The following ARHGAP24 variants were observed in gnomAD, a reference collection of about 807,000 sequenced individuals.
The protein encoded by ARHGAP24 is rho GTPase-activating protein 24.
A neutral mutation model predicts 76.4 loss-of-function variants in ARHGAP24; 50 were observed. The observed-to-expected ratio is 0.65, with a 90% confidence interval of 0.52 to 0.83. The LOEUF is 0.83. Ranked by LOEUF, ARHGAP24 falls within the 40% of genes least tolerant of loss-of-function variation. ARHGAP24 has a pLI of 0.00. For missense variants in ARHGAP24, 930 were observed against 914.2 expected (o/e 1.02, Z -0.22); for synonymous variants, 345 against 323.3 (o/e 1.07, Z -0.72).
chr4:85,523,331 A>G (rs1724860325), intron 1 of ARHGAP24, among the ~76,000 whole-genome samples: 1 of 152,160 alleles, frequency 6.6e-6, no homozygotes, highest in Non-Finnish European at 1.5e-5. Flanking sequence ...TAGATTTCCT[A>G]TTTTAAAGAG....
At chr4:85,811,630 CTT>C (rs760394339) in intron 3 of ARHGAP24, among the ~76,000 whole-genome samples, 99 of 152,174 alleles carry the variant, frequency 6.5e-4, no homozygotes, top group Admixed American at 8.5e-4. Context: ...CAAATAGAAA[CTT>C]TTTATAATGA....
rs185182145 is a variant in ARHGAP24 at position 85,519,697 on chromosome 4, A to T, written c.-21+44138A>T. Reference sequence around the variant, plus strand: ...TTCGATTTTTCTAGAATCTGAAAATATTCGTTTCTGAAGAGAATGAAACTC... The same window carrying T: ...TTCGATTTTTCTAGAATCTGAAAATTTTCGTTTCTGAAGAGAATGAAACTC... On this transcript the variant is annotated intron_variant, in intron 1 of 9. Coordinates refer to ENST00000395184, the MANE Select transcript of ARHGAP24 (RefSeq NM_001025616.3). Among the ~76,000 whole-genome samples, 35 of 152,318 alleles carry T rather than the reference A, an allele frequency of 2.3e-4. No individual in the cohort carries two copies. In the East Asian group the frequency reaches 6.2e-3, roughly 27 times the overall value.
chr4:85,501,977 G>T (rs1723837462), intron 1 of ARHGAP24, among the ~76,000 whole-genome samples: 1 of 151,958 alleles, frequency 6.6e-6, no homozygotes, highest in Non-Finnish European at 1.5e-5. Context: ...TATTAAATAG[G>T]GAATCCTTTC....
At chr4:85,837,996 T>C (rs1172059866) in intron 3 of ARHGAP24, among the ~76,000 whole-genome samples, 8 of 152,344 alleles carry the variant, frequency 5.3e-5, no homozygotes, top group Admixed American at 2.0e-4. Context: ...ACTGTCTTGA[T>C]CGTCCTTTCT....
In ARHGAP24 at chr4:86,001,039, G is replaced by T. The variant is rs1486937485; in HGVS notation, c.*317G>T. ...TATTTAAATGTTAAATCAATATGTT[G>T]TTGCAATTTAGCTTGCTTTCAAGCT... On this transcript the variant is annotated 3_prime_UTR_variant, in exon 10 of 10. Coordinates refer to ENST00000395184, the MANE Select transcript of ARHGAP24 (RefSeq NM_001025616.3). 4.3e-6 allele frequency: 2 copies of T among 470,406 alleles called. No homozygotes were observed. The highest frequency in any genetic ancestry group is 2.0e-5 in the African/African-American group (1 of 51,136). 29.1% of individuals were successfully genotyped at this position (470,406 alleles called of 1,614,324 possible).
chr4:85,541,247 G>A (rs1005654187), intron 1 of ARHGAP24, among the ~76,000 whole-genome samples: 11 of 114,142 alleles, frequency 9.6e-5, no homozygotes, highest in Admixed American at 2.6e-4. Flanking sequence ...TCCGCCTCCC[G>A]GGTTCACGCC....
At chr4:85,505,876 T>C (rs993441229) in intron 1 of ARHGAP24, among the ~76,000 whole-genome samples, 7 of 152,154 alleles carry the variant, frequency 4.6e-5, no homozygotes, top group Non-Finnish European at 1.0e-4. Context: ...CCTTTGGTCT[T>C]TGATGTTGGT....
At chr4:85,665,848 C>A (rs1289204441) in intron 2 of ARHGAP24, among the ~76,000 whole-genome samples, 2 of 152,320 alleles carry the variant, frequency 1.3e-5, no homozygotes, top group East Asian at 3.9e-4. Context: ...TTGGCCCCCA[C>A]TCTCTTCTGG....
chr4:85,530,417 C>G (rs1725211441), intron 1 of ARHGAP24, among the ~76,000 whole-genome samples: 1 of 151,890 alleles, frequency 6.6e-6, no homozygotes, highest in Non-Finnish European at 1.5e-5. Context: ...TTTTCTTCAC[C>G]TCTTCCACTG....
intron 3 of ARHGAP24, among the ~76,000 whole-genome samples, chr4:85,900,100 G>GTAAT (rs1734410132): frequency 2.6e-5 from 4 of 152,166 alleles, no homozygotes; most frequent in African/African-American, 9.6e-5. Flanking sequence ...GTGGTGCAAA[G>GTAAT]TAAAATTGAA....
chr4:85,736,674 G>T (rs555073873), intron 3 of ARHGAP24, among the ~76,000 whole-genome samples: 1 of 152,154 alleles, frequency 6.6e-6, no homozygotes, highest in African/African-American at 2.4e-5. Flanking sequence ...TGAAGCAATC[G>T]AGTACTTACA....
intron 3 of ARHGAP24, among the ~76,000 whole-genome samples, chr4:85,824,983 G>C (rs1382902164): frequency 1.3e-5 from 2 of 152,052 alleles, no homozygotes; most frequent in Non-Finnish European, 2.9e-5. Flanking sequence ...CCAGCTACTA[G>C]GGAGGCTGAG....
intron 3 of ARHGAP24, among the ~76,000 whole-genome samples, chr4:85,783,228 T>C (rs1229039888): frequency 6.6e-6 from 1 of 152,168 alleles, no homozygotes; most frequent in African/African-American, 2.4e-5. Context: ...GCTGTAGGTA[T>C]TGTGGAAATT....
chr4:85,973,888 G>T (rs1739155822), intron 6 of ARHGAP24, among the ~76,000 whole-genome samples: 1 of 126,460 alleles, frequency 7.9e-6, no homozygotes, highest in Non-Finnish European at 1.6e-5. Flanking sequence ...TGTGGCCCAA[G>T]CTGGAGTGCA....
At chr4:85,698,594 T>C (rs749304775) in intron 2 of ARHGAP24, among the ~76,000 whole-genome samples, 7 of 152,160 alleles carry the variant, frequency 4.6e-5, no homozygotes, top group Non-Finnish European at 1.0e-4. Context: ...TAGCAAAATA[T>C]CATAGACCAG....
chr4:85,667,001 C>G (rs192722871), intron 2 of ARHGAP24, among the ~76,000 whole-genome samples: 4,455 of 152,282 alleles, frequency 0.029, 202 homozygotes, highest in African/African-American at 0.1. Context: ...CAGCTGCGTG[C>G]TGGGAGAACC....
chr4:86,001,064 T>G lies in ARHGAP24; in HGVS notation c.*342T>G. 1 of 466,144 alleles carries G rather than the reference T, an allele frequency of 2.1e-6. No individual in the cohort carries two copies. Among genetic ancestry groups the G allele is most frequent in the Non-Finnish European group, 3.7e-6 (1 of 267,192 alleles). 28.9% of individuals were successfully genotyped at this position (466,144 alleles called of 1,614,324 possible). Reference sequence around the variant, plus strand: ...GTTGCAATTTAGCTTGCTTTCAAGCTTCACCCCTTGCACTTAACATAAGCT... The same window carrying G: ...GTTGCAATTTAGCTTGCTTTCAAGCGTCACCCCTTGCACTTAACATAAGCT... On this transcript the variant is annotated 3_prime_UTR_variant, in exon 10 of 10. Coordinates refer to ENST00000395184, the MANE Select transcript of ARHGAP24 (RefSeq NM_001025616.3).
At chr4:85,904,721 G>C (rs986530790) in intron 3 of ARHGAP24, among the ~76,000 whole-genome samples, 25 of 152,150 alleles carry the variant, frequency 1.6e-4, no homozygotes, top group Admixed American at 1.6e-3. Flanking sequence ...CACAATTTTT[G>C]TGTGTTCTTT....
intron 3 of ARHGAP24, among the ~76,000 whole-genome samples, chr4:85,731,695 A>G (rs1044568217): frequency 2.6e-5 from 4 of 152,182 alleles, no homozygotes; most frequent in Middle Eastern, 3.2e-3. Context: ...CTGTAGGGTG[A>G]CTATAGTTTG....
Sources: allele counts gnomAD v4.1 joint callset (sites outside exome capture counted in the v4.1 genomes callset), GRCh38; gene constraint gnomAD v4.1.1; transcripts MANE v1.5; gene names NCBI Gene and HGNC (gene_info 2026-07-23, HGNC 2026-07-21).